CACNA2D1: variants seen among roughly 807,000 people sequenced by gnomAD.
CACNA2D1 encodes voltage-dependent calcium channel subunit alpha-2/delta-1.
CACNA2D1 carries 53 observed loss-of-function variants against 171.5 expected under a neutral mutation model. The ratio of observed to expected loss-of-function variants is 0.31; its 90% CI spans 0.25 to 0.39. The LOEUF (loss-of-function observed/expected upper bound fraction) is 0.39, where lower values mean the gene tolerates loss of function less well. Ranked by LOEUF, CACNA2D1 falls within the 10% of genes least tolerant of loss-of-function variation. CACNA2D1 has a pLI of 1.00. For missense variants in CACNA2D1, 903 were observed against 1,299.8 expected (o/e 0.69, Z 4.69); for synonymous variants, 442 against 443.1 (o/e 1.00, Z 0.03).
intron 1 of CACNA2D1, among the ~76,000 whole-genome samples, chr7:82,362,726 C>T (rs1032232943): frequency 4.6e-5 from 7 of 152,078 alleles, no homozygotes; most frequent in Admixed American, 1.3e-4. Flanking sequence ...ATCTTGTAAG[C>T]GAACCTTGAA....
chr7:82,408,461 T>C (rs1216296231), intron 1 of CACNA2D1, among the ~76,000 whole-genome samples: 1 of 152,160 alleles, frequency 6.6e-6, no homozygotes, highest in Non-Finnish European at 1.5e-5. Context: ...TATGATACTT[T>C]GTATGACATC....
intron 3 of CACNA2D1, among the ~76,000 whole-genome samples, chr7:82,196,204 T>C (rs1200899543): frequency 6.6e-6 from 1 of 152,082 alleles, no homozygotes; most frequent in Non-Finnish European, 1.5e-5. Flanking sequence ...TGCAAGTCCA[T>C]ATACATGGTC....
intron 18 of CACNA2D1, among the ~76,000 whole-genome samples, chr7:81,997,668 A>G (rs1490809350): frequency 6.6e-6 from 1 of 151,518 alleles, no homozygotes; most frequent in East Asian, 1.9e-4. Context: ...AATTTGTAAA[A>G]AAAAAAAAAA....
chr7:82,200,802 A>G (rs538323541), intron 3 of CACNA2D1, among the ~76,000 whole-genome samples: 1 of 152,332 alleles, frequency 6.6e-6, no homozygotes, highest in East Asian at 1.9e-4. Context: ...GAAACCATAG[A>G]GTGATTTAGA....
chr7:82,183,918 A>G (rs970610997), intron 3 of CACNA2D1, among the ~76,000 whole-genome samples: 10 of 152,220 alleles, frequency 6.6e-5, no homozygotes, highest in Middle Eastern at 3.4e-3. Context: ...GACTCTTCTT[A>G]TATCAAAGGG....
chr7:82,319,281 C>A (rs1384842973), intron 3 of CACNA2D1, among the ~76,000 whole-genome samples: 1 of 152,088 alleles, frequency 6.6e-6, no homozygotes, highest in Non-Finnish European at 1.5e-5. Flanking sequence ...ACTGAGAAAT[C>A]ATGAGGATTA....
chr7:82,260,653 A>G (rs1446447182), intron 3 of CACNA2D1, among the ~76,000 whole-genome samples: 1 of 152,204 alleles, frequency 6.6e-6, no homozygotes, highest in Non-Finnish European at 1.5e-5. Flanking sequence ...TATTTCCACT[A>G]GTCTACAGCT....
At chr7:82,349,839 C>A (rs900881198) in intron 1 of CACNA2D1, among the ~76,000 whole-genome samples, 190 bp from the exon 2 acceptor site, 3 of 152,214 alleles carry the variant, frequency 2.0e-5, no homozygotes, top group African/African-American at 4.8e-5. Flanking sequence ...CCTTAGTGTG[C>A]AGGCTTTCAG....
At chr7:82,136,352 G>T (rs1791604123) in intron 5 of CACNA2D1, among the ~76,000 whole-genome samples, 1 of 152,094 alleles carries the variant, frequency 6.6e-6, no homozygotes, top group South Asian at 2.1e-4. Flanking sequence ...TATTGCTAAT[G>T]GAGTCCAGAG....
intron 6 of CACNA2D1, among the ~76,000 whole-genome samples, chr7:82,085,286 T>C (rs375380611): frequency 4.6e-5 from 7 of 152,120 alleles, no homozygotes; most frequent in South Asian, 2.1e-4. Context: ...CACCCCCAAG[T>C]TGTGACATGC....
At chr7:82,009,527 T>C (rs1236816717) in intron 15 of CACNA2D1, among the ~76,000 whole-genome samples, 1 of 152,146 alleles carries the variant, frequency 6.6e-6, no homozygotes, top group Non-Finnish European at 1.5e-5. Flanking sequence ...GAAGTGTCTG[T>C]TAGAGCTATA....
Position 82,014,424 on chromosome 7 carries a change from T to A in CACNA2D1, c.1199A>T (p.Gln400Leu). 2 of 1,593,962 alleles carry A rather than the reference T, an allele frequency of 1.3e-6. No individual in the cohort carries two copies. Among genetic ancestry groups the A allele is most frequent in the Non-Finnish European group, 1.7e-6 (2 of 1,161,640 alleles). ...GQHNYDRGPI[Q>L]WMACENKGYY... ...ACCTTTGTTTTCACAGGCCATCCAC[T>A]GAATAGGTCCTCTGTCATAATTGTG... is the stretch of plus-strand genomic sequence containing the variant. Residue 400 changes from glutamine to leucine, a missense_variant, in exon 13 of 39, where the codon CAG (glutamine) becomes CTG (leucine). This residue lies in a region of CACNA2D1 where 623 missense variants were observed against 925.5 expected (regional missense o/e 0.67). Coordinates refer to ENST00000356860, the MANE Select transcript of CACNA2D1 (RefSeq NM_000722.4).
chr7:82,219,007 T>C (rs1801472002), intron 3 of CACNA2D1, among the ~76,000 whole-genome samples: 1 of 152,150 alleles, frequency 6.6e-6, no homozygotes, highest in Non-Finnish European at 1.5e-5. Context: ...CAGCTTCTTT[T>C]CTATATTCTG....
At chr7:82,122,418 T>C (rs1789846753) in intron 5 of CACNA2D1, among the ~76,000 whole-genome samples, 2 of 152,182 alleles carry the variant, frequency 1.3e-5, no homozygotes, top group African/African-American at 4.8e-5. Flanking sequence ...TAATTTTAGT[T>C]TGCATGATGA....
chr7:82,176,442 T>C (rs1024688583), intron 3 of CACNA2D1, among the ~76,000 whole-genome samples: 2 of 152,048 alleles, frequency 1.3e-5, no homozygotes, highest in African/African-American at 4.8e-5. Flanking sequence ...AAAATCTTCA[T>C]GTGCAGAGAA....
intron 7 of CACNA2D1, among the ~76,000 whole-genome samples, chr7:82,071,055 A>G (rs915699438): frequency 1.3e-5 from 2 of 152,180 alleles, no homozygotes; most frequent in African/African-American, 2.4e-5. Context: ...AACAACTAGA[A>G]GTCATCTGGG....
At chr7:82,386,559 C>A (rs1226613258) in intron 1 of CACNA2D1, among the ~76,000 whole-genome samples, 1 of 151,816 alleles carries the variant, frequency 6.6e-6, no homozygotes, top group Non-Finnish European at 1.5e-5. Context: ...ATGGAGAAAC[C>A]CCGTCTCTAC....
intron 1 of CACNA2D1, among the ~76,000 whole-genome samples, chr7:82,441,451 T>A (rs893311568): frequency 6.6e-6 from 1 of 152,092 alleles, no homozygotes; most frequent in Non-Finnish European, 1.5e-5. Context: ...AAATTTCAGA[T>A]CCTTCCAAAG....
Position 81,998,507 on chromosome 7 carries a change from G to A in CACNA2D1, c.1591-1257C>T, listed in dbSNP as rs151149975. Among the ~76,000 whole-genome samples the A allele has an allele frequency of 5.4e-3, 815 of 151,840 alleles. 7 individuals carry two copies. Among genetic ancestry groups the A allele is most frequent in the South Asian group, 0.013 (65 of 4,820 alleles). ...AGATGTTGAATGACATAGTATACAC[G>A]GCATGTATTTACTGACAAAAATGCC... On this transcript the variant is annotated intron_variant, in intron 18 of 38. Coordinates refer to ENST00000356860, the MANE Select transcript of CACNA2D1 (RefSeq NM_000722.4).
Sources: allele counts gnomAD v4.1 joint callset (sites outside exome capture counted in the v4.1 genomes callset), GRCh38; gene constraint gnomAD v4.1.1; regional missense constraint gnomAD v4.1.1; transcripts MANE v1.5; gene names NCBI Gene and HGNC (gene_info 2026-07-23, HGNC 2026-07-21).